Variants in RBFOX1 observed in about 807,000 individuals in gnomAD.
The protein encoded by RBFOX1 is RNA binding fox-1 homolog 1, also known as RNA binding protein fox-1 homolog 1.
RBFOX1 carries 8 observed loss-of-function variants against 57.7 expected under a neutral mutation model. The ratio of observed to expected loss-of-function variants is 0.14; its 90% CI spans 0.08 to 0.25. RBFOX1 has a LOEUF of 0.25. Ranked by LOEUF, RBFOX1 falls within the 10% of genes least tolerant of loss-of-function variation. The probability of loss-of-function intolerance (pLI) is 1.00; values close to 1 mark genes in which losing one functional copy is unlikely to be tolerated. For synonymous variants in RBFOX1, 326 were observed against 222.4 expected, an observed-to-expected ratio of 1.47 and a Z score of -4.15; for missense variants, 611 against 548.5, an observed-to-expected ratio of 1.11 and a Z score of -1.14.
intron 3 of RBFOX1, among the ~76,000 whole-genome samples, chr16:5,725,722 C>G (rs2052124209): frequency 6.6e-6 from 1 of 151,906 alleles, no homozygotes; most frequent in Admixed American, 6.6e-5. Flanking sequence ...TCCACTGGGA[C>G]ATCTTTTTGC....
At chr16:6,207,228 C>T (rs1442308510) in intron 1 of RBFOX1, among the ~76,000 whole-genome samples, 2 of 152,096 alleles carry the variant, frequency 1.3e-5, no homozygotes, top group African/African-American at 2.4e-5. Context: ...TTAGTGGCTT[C>T]TGAGACTCTC....
rs2085543673 is a variant in RBFOX1 at position 7,192,134 on chromosome 16, G to A, written c.27+140036G>A. On this transcript the variant is annotated intron_variant, in intron 4 of 15. Transcript: ENST00000550418. The stretch of plus-strand genomic sequence containing the variant: ...AAAAGAAGCAAAAAATAATTGGTGG[G>A]GGAAGGGGGTAGGTAGTAGAAGGAA... Among the ~76,000 whole-genome samples, 3 of 152,182 alleles carry A rather than the reference G, an allele frequency of 2.0e-5. No individual in the cohort carries two copies. In the South Asian group the frequency reaches 6.2e-4, roughly 31 times the overall value.
intron 4 of RBFOX1, among the ~76,000 whole-genome samples, chr16:5,999,324 C>G (rs912298328): frequency 1.3e-5 from 2 of 152,214 alleles, no homozygotes; most frequent in Admixed American, 6.5e-5. Flanking sequence ...GGCTTTTTCT[C>G]TCAGCTCAGA....
chr16:7,081,467 C>T (rs377023418), intron 4 of RBFOX1, among the ~76,000 whole-genome samples: 1 of 152,154 alleles, frequency 6.6e-6, no homozygotes, highest in Non-Finnish European at 1.5e-5. Context: ...GGAAGCTGTT[C>T]TTGGCTTTAG....
At chr16:6,834,926 T>C (rs1402706370) in intron 3 of RBFOX1, among the ~76,000 whole-genome samples, 2 of 146,696 alleles carry the variant, frequency 1.4e-5, no homozygotes, top group African/African-American at 5.1e-5. Context: ...GGTGTCTCGC[T>C]CTGTTGCCCA....
intron 2 of RBFOX1, among the ~76,000 whole-genome samples, chr16:5,595,285 G>GGAT (rs2047145692): frequency 6.6e-6 from 1 of 152,164 alleles, no homozygotes; most frequent in Non-Finnish European, 1.5e-5. Context: ...AATCTGTATT[G>GGAT]GATGATGTTT....
chr16:6,752,815 C>T (rs949527741), intron 3 of RBFOX1, among the ~76,000 whole-genome samples: 7 of 37,250 alleles, frequency 1.9e-4, no homozygotes. Context: ...ATTCCTACTC[C>T]TATTTTTTTT....
intron 4 of RBFOX1, among the ~76,000 whole-genome samples, chr16:7,221,670 A>G (rs914202563): frequency 6.6e-6 from 1 of 152,130 alleles, no homozygotes; most frequent in Admixed American, 6.5e-5. Context: ...CCTGCCGTTG[A>G]CTTATTTATT....
chr16:6,006,770 G>A (rs189891128), intron 4 of RBFOX1, among the ~76,000 whole-genome samples: 5 of 152,306 alleles, frequency 3.3e-5, no homozygotes, highest in Admixed American at 3.3e-4. Flanking sequence ...TGTTGTTCAA[G>A]GCCAGACAAG....
chr16:7,329,032 T>G (rs764650261), intron 4 of RBFOX1, among the ~76,000 whole-genome samples: 56 of 152,342 alleles, frequency 3.7e-4, no homozygotes, highest in Non-Finnish European at 1.8e-4. Context: ...AATACAGTAT[T>G]ACAGGAACAT....
intron 3 of RBFOX1, among the ~76,000 whole-genome samples, chr16:5,737,907 G>A (rs1396171673): frequency 3.9e-5 from 6 of 152,032 alleles, no homozygotes; most frequent in East Asian, 1.9e-4. Flanking sequence ...TGCAGAACGT[G>A]CAGGTTTGTT....
At chr16:6,318,744 C>T (rs968829068) in intron 2 of RBFOX1, among the ~76,000 whole-genome samples, 6 of 151,990 alleles carry the variant, frequency 3.9e-5, no homozygotes, top group African/African-American at 1.2e-4. Flanking sequence ...CTACAACTGC[C>T]ATCTAAAGAG....
chr16:5,439,186 G>C (rs2068007744), intron 1 of RBFOX1, among the ~76,000 whole-genome samples: 2 of 152,094 alleles, frequency 1.3e-5, no homozygotes, highest in South Asian at 2.1e-4. Flanking sequence ...CTGGGCCCTG[G>C]TGAGTCGGAA....
In RBFOX1 at chr16:7,455,307, C is replaced by T. The variant is rs538733253; in HGVS notation, c.28-62840C>T. Among the ~76,000 whole-genome samples the T allele has an allele frequency of 4.6e-5, 7 of 152,228 alleles. No homozygotes were observed. The South Asian group carries it at 6.2e-4, about 14-fold the overall frequency. On this transcript the variant is annotated intron_variant, in intron 4 of 15. Coordinates refer to ENST00000550418, the MANE Select transcript of RBFOX1 (RefSeq NM_018723.4). Reference sequence around the variant, plus strand: ...ACCCTCCCTATATTGAGAAGTTTCACGTTTCAGCAGCCTCATTCTTTCTCA... The same window carrying T: ...ACCCTCCCTATATTGAGAAGTTTCATGTTTCAGCAGCCTCATTCTTTCTCA...
intron 3 of RBFOX1, among the ~76,000 whole-genome samples, chr16:6,947,475 T>G (rs1010226354): frequency 2.0e-5 from 3 of 152,132 alleles, no homozygotes; most frequent in African/African-American, 7.2e-5. Flanking sequence ...CATATGTTCT[T>G]GGGAAGGATG....
At chr16:5,737,973 A>G (rs2151581851) in intron 3 of RBFOX1, among the ~76,000 whole-genome samples, 1 of 152,190 alleles carries the variant, frequency 6.6e-6, no homozygotes, top group East Asian at 1.9e-4. Context: ...TGTCATCTAC[A>G]TTAAGTATTT....
chr16:7,450,580 G>T (rs754170699), intron 4 of RBFOX1, among the ~76,000 whole-genome samples: 11 of 152,050 alleles, frequency 7.2e-5, no homozygotes, highest in African/African-American at 2.2e-4. Flanking sequence ...AGTGTCTTAA[G>T]GAGGAAAAGA....
At chr16:6,879,772 T>C (rs969985590) in intron 3 of RBFOX1, among the ~76,000 whole-genome samples, 25 of 152,196 alleles carry the variant, frequency 1.6e-4, no homozygotes, top group Non-Finnish European at 3.4e-4. Flanking sequence ...TTACTAACCC[T>C]TCCTCTGATT....
chr16:6,993,467 G>T (rs982319261), intron 3 of RBFOX1, among the ~76,000 whole-genome samples: 1 of 152,174 alleles, frequency 6.6e-6, no homozygotes, highest in Non-Finnish European at 1.5e-5. Flanking sequence ...GTGGGAAGGG[G>T]AGATGGGGAA....
Sources: gnomAD v4.1 joint callset for allele counts (sites outside exome capture counted in the v4.1 genomes callset) on GRCh38, gnomAD v4.1.1 for gene constraint, MANE v1.5 for transcripts, NCBI Gene and HGNC (gene_info 2026-07-23, HGNC 2026-07-21) for gene names.